FLI1: variants seen among roughly 807,000 people sequenced by gnomAD.
FLI1 encodes Friend leukemia integration 1 transcription factor.
Under a neutral mutation model 53.1 loss-of-function variants are expected in FLI1, and 13 were observed. The observed-to-expected ratio is 0.24, with a 90% CI of 0.16 to 0.39. The LOEUF (loss-of-function observed/expected upper bound fraction) is 0.39, where lower values mean the gene tolerates loss of function less well. FLI1 is among the 10% of genes least tolerant of loss of function. The pLI is 1.00. For missense variants in FLI1, 424 were observed against 600.5 expected (o/e 0.71, Z 3.07); for synonymous variants, 244 against 236.7 (o/e 1.03, Z -0.28).
Position 128,759,208 on chromosome 11 carries a change from A to T in FLI1, c.230+882A>T, listed in dbSNP as rs113603182. ...TTATTCACAAAATATCAGATAATCT[A>T]CTGGGCCAAAGGCACAAAGAGATGA... On this transcript the variant is annotated intron_variant, in intron 2 of 8. Transcript: ENST00000527786. 7.1e-3 allele frequency among the ~76,000 whole-genome samples: 1,084 copies of T among 152,360 alleles called. 15 individuals carry two copies. Among genetic ancestry groups the T allele is most frequent in the African/African-American group, 0.024 (1,013 of 41,584 alleles).
chr11:128,736,193 C>G (rs1182426065), intron 1 of FLI1, among the ~76,000 whole-genome samples: 1 of 117,744 alleles, frequency 8.5e-6, no homozygotes, highest in East Asian at 2.9e-4. Context: ...AGCATAAGAA[C>G]ATTATTCTTT....
In FLI1 at chr11:128,774,774, G is replaced by A. The variant is rs115582264; in HGVS notation, c.589+1789G>A. ...AAGCCCATTCATGCCATATGACCCC[G>A]GGGCCCTAACCAGTCCATAAACAGC... On this transcript the variant is annotated intron_variant, in intron 4 of 8. Coordinates refer to ENST00000527786, the MANE Select transcript of FLI1 (RefSeq NM_002017.5). Among the ~76,000 whole-genome samples, 404 of 152,236 alleles carry A rather than the reference G, an allele frequency of 2.7e-3. 2 individuals are homozygous for A. Among genetic ancestry groups the A allele is most frequent in the African/African-American group, 8.9e-3 (370 of 41,530 alleles).
intron 3 of FLI1, among the ~76,000 whole-genome samples, chr11:128,769,479 T>G (rs657642): frequency 0.42 from 63,869 of 151,988 alleles, 13,640 homozygotes; most frequent in East Asian, 0.5. Context: ...GGCAGAAATG[T>G]TAAGGGCTGC....
chr11:128,795,054 C>T (rs1029774145), intron 5 of FLI1, among the ~76,000 whole-genome samples: 7 of 152,134 alleles, frequency 4.6e-5, no homozygotes, highest in African/African-American at 7.2e-5. Flanking sequence ...CCAGCCTGAG[C>T]GACAGAGTGA....
At chr11:128,807,870 C>G (rs115493274) in intron 7 of FLI1, among the ~76,000 whole-genome samples, 8 of 152,160 alleles carry the variant, frequency 5.3e-5, no homozygotes, top group African/African-American at 1.2e-4. Context: ...TCTGGAGAAG[C>G]CTTCCTCCTG....
intron 5 of FLI1, among the ~76,000 whole-genome samples, chr11:128,793,655 G>T (rs1034749706): frequency 6.6e-6 from 1 of 152,176 alleles, no homozygotes; most frequent in African/African-American, 2.4e-5. Context: ...CCTTCCCTGG[G>T]CTGTCTTTGG....
intron 4 of FLI1, among the ~76,000 whole-genome samples, chr11:128,774,959 T>A (rs1452665722): frequency 6.6e-6 from 1 of 152,194 alleles, no homozygotes; most frequent in Non-Finnish European, 1.5e-5. Flanking sequence ...GATGGCATTT[T>A]GGGGGGTATA....
chr11:128,806,056 A>T (rs1387653756), intron 6 of FLI1: 2 of 152,032 alleles, frequency 1.3e-5, no homozygotes, highest in East Asian at 3.9e-4. Flanking sequence ...CTGTACCAGA[A>T]ATCAAACTTG....
intron 1 of FLI1, among the ~76,000 whole-genome samples, chr11:128,757,905 G>A (rs1940956104): frequency 6.6e-6 from 1 of 152,048 alleles, no homozygotes; most frequent in African/African-American, 2.4e-5. Context: ...CCACTCCACT[G>A]CCCAAAGTCC....
chr11:128,810,648 G>A lies in FLI1; in HGVS notation c.1019G>A (p.Arg340His), dbSNP rs1131691896. ...TACGACAAGCTGAGCCGGGCCCTCC[G>A]TTATTACTATGATAAAAACATTATG... Reference protein sequence around the residue: ...MNYDKLSRALRYYYDKNIMTK... With the variant: ...MNYDKLSRALHYYYDKNIMTK... The change falls in exon 9 of 9, where the codon CGT becomes CAT. Residue 340 changes from arginine to histidine, a missense_variant. Coordinates refer to ENST00000527786, the MANE Select transcript of FLI1 (RefSeq NM_002017.5). The surrounding 1 kb of genome is among the most constrained non-coding windows in gnomAD (Gnocchi z 6.6). The A allele has an allele frequency of 1.2e-6, 2 of 1,614,062 alleles. No homozygotes were observed. Among genetic ancestry groups the A allele is most frequent in the Middle Eastern group, 1.6e-4 (1 of 6,062 alleles).
At chr11:128,751,340 C>T (rs1327592101) in intron 1 of FLI1, among the ~76,000 whole-genome samples, 1 of 150,378 alleles carries the variant, frequency 6.6e-6, no homozygotes, top group Non-Finnish European at 1.5e-5. Context: ...CATTGGCCTT[C>T]ATTAAAATTT....
chr11:128,730,239 C>T (rs951702661), intron 1 of FLI1, among the ~76,000 whole-genome samples: 1 of 152,218 alleles, frequency 6.6e-6, no homozygotes, highest in Non-Finnish European at 1.5e-5. Flanking sequence ...ATTCCATCCT[C>T]ACAACCCTAT....
At chr11:128,686,577 G>A (rs1482542832) in exon 1 of FLI1, 4 of 426,536 alleles carry the variant, frequency 9.4e-6, no homozygotes, top group Admixed American at 2.5e-5. Flanking sequence ...CCATCCCACC[G>A]TCTCTCCCTC....
chr11:128,724,989 C>T (rs74878766), intron 1 of FLI1, among the ~76,000 whole-genome samples: 1,832 of 152,232 alleles, frequency 0.012, 39 homozygotes, highest in African/African-American at 0.042. Flanking sequence ...GGGCTGACAG[C>T]GTGGCCTCTT....
chr11:128,771,450 T>C (rs1269260186), intron 3 of FLI1, among the ~76,000 whole-genome samples: 1 of 152,324 alleles, frequency 6.6e-6, no homozygotes, highest in African/African-American at 2.4e-5. Flanking sequence ...TGGTGGATGC[T>C]TGTGTAAAAG....
rs954894681 is a variant in FLI1, at chr11:128,812,418, T to C, written c.*1430T>C. ...CTAAATAAATGGTTCCTTCTCTCAG[T>C]GCTGAGGACAGTTTTCTTATTTACC... On this transcript the variant is annotated 3_prime_UTR_variant, in exon 9 of 9. Coordinates refer to ENST00000527786, the MANE Select transcript of FLI1 (RefSeq NM_002017.5). The C allele has an allele frequency of 3.1e-5, 7 of 225,526 alleles. No homozygotes were observed. The highest frequency in any genetic ancestry group is 3.7e-4 in the South Asian group (2 of 5,470). 14.0% of individuals were successfully genotyped at this position (225,526 alleles called of 1,614,324 possible).
intron 5 of FLI1, among the ~76,000 whole-genome samples, chr11:128,782,639 A>G (rs1173490117): frequency 6.6e-6 from 1 of 152,190 alleles, no homozygotes; most frequent in Non-Finnish European, 1.5e-5. Context: ...CAGAGGCTGC[A>G]ATGAGCCGAG....
intron 1 of FLI1, among the ~76,000 whole-genome samples, chr11:128,710,237 G>C (rs1249606625): frequency 1.3e-5 from 2 of 152,178 alleles, no homozygotes; most frequent in African/African-American, 4.8e-5. Context: ...CACTGAAGTA[G>C]CTCAAAAATG....
chr11:128,774,663 T>G (rs184031707), intron 4 of FLI1, among the ~76,000 whole-genome samples: 1 of 152,280 alleles, frequency 6.6e-6, no homozygotes, highest in Admixed American at 6.5e-5. Context: ...TGCTCTGAAC[T>G]GTTAGTTAAA....
Sources: allele counts gnomAD v4.1 joint callset (sites outside exome capture counted in the v4.1 genomes callset), GRCh38; gene constraint gnomAD v4.1.1; non-coding constraint Gnocchi (gnomAD v3.1); transcripts MANE v1.5; gene names NCBI Gene and HGNC (gene_info 2026-07-23, HGNC 2026-07-21).